Variants in VPS13C observed in about 807,000 individuals in gnomAD.
The protein encoded by VPS13C is vacuolar protein sorting 13 homolog C.
Under a neutral mutation model 456.8 loss-of-function variants are expected in VPS13C, and 358 were observed. The ratio of observed to expected loss-of-function variants is 0.78; its 90% CI spans 0.72 to 0.86. The LOEUF is 0.86. VPS13C is among the 40% of genes least tolerant of loss of function. The probability of loss-of-function intolerance (pLI) is 0.00; values close to 1 mark genes in which losing one functional copy is unlikely to be tolerated. For synonymous variants in VPS13C, 1,578 were observed against 1,486.7 expected (o/e 1.06, Z -1.41); for missense variants, 4,818 against 4,385.4 (o/e 1.10, Z -2.79).
chr15:61,923,216 A>C (rs2043720125), intron 53 of VPS13C, among the ~76,000 whole-genome samples: 1 of 151,872 alleles, frequency 6.6e-6, no homozygotes, highest in African/African-American at 2.4e-5. Context: ...CTGAAAAAAA[A>C]AAAAAGGAAG....
Position 61,921,969 on chromosome 15 carries a change from C to T in VPS13C, c.7040G>A (p.Arg2347Lys), listed in dbSNP as rs1340004436. Residue 2347 changes from arginine (R) to lysine (K), a missense_variant, in exon 55 of 85, where the codon AGA becomes AAA. This residue lies in a region of VPS13C where 4,552 missense variants were observed against 4,130.6 expected (regional missense o/e 1.10). Transcript: ENST00000644861. Reference sequence around the variant, plus strand: ...TACATCAAGCCTTAAATTCCATTGTCTCTTCCCCTCCACTCTCTCAATCAG... The same window carrying T: ...TACATCAAGCCTTAAATTCCATTGTTTCTTCCCCTCCACTCTCTCAATCAG... Reference protein sequence around the residue: ...EPLIERVEGKRQWNLRLDVKK... With the variant: ...EPLIERVEGKKQWNLRLDVKK... The T allele has an allele frequency of 1.2e-6, 2 of 1,613,480 alleles. No individual in the cohort carries two copies. The highest frequency in any genetic ancestry group is 4.5e-5 in the East Asian group (2 of 44,840).
At chr15:61,948,464 C>G (rs1478214766) in intron 42 of VPS13C, among the ~76,000 whole-genome samples, 2 of 151,952 alleles carry the variant, frequency 1.3e-5, no homozygotes, top group African/African-American at 4.8e-5. Flanking sequence ...GGTGGAGCAC[C>G]TGAGGTCAGG....
At chr15:61,922,309 G>A in intron 54 of VPS13C, 88 bp downstream of exon 54, 1 of 1,466,060 alleles carries the variant, frequency 6.8e-7, no homozygotes. Flanking sequence ...ACTCATAGTG[G>A]CCATGCACAA....
intron 40 of VPS13C, 107 bp from the exon 41 acceptor site, chr15:61,950,524 A>C: frequency 1.1e-6 from 1 of 893,286 alleles, no homozygotes; most frequent in Admixed American, 2.9e-5. Flanking sequence ...AAAGAGTAAA[A>C]AGATATTTCC....
intron 9 of VPS13C, among the ~76,000 whole-genome samples, chr15:62,015,376 A>G (rs1245924704): frequency 6.6e-6 from 1 of 152,004 alleles, no homozygotes; most frequent in Non-Finnish European, 1.5e-5. Context: ...CCATTTGTCA[A>G]TTTTGGCTTT....
At chr15:61,965,784 T>C (rs1438292300) in intron 30 of VPS13C, among the ~76,000 whole-genome samples, 1 of 151,928 alleles carries the variant, frequency 6.6e-6, no homozygotes, top group Non-Finnish European at 1.5e-5. Flanking sequence ...GTATCTAGTT[T>C]GGCTAGTTTA....
At chr15:61,984,251 C>G (rs116199015) in intron 19 of VPS13C, among the ~76,000 whole-genome samples, 1 of 144,348 alleles carries the variant, frequency 6.9e-6, no homozygotes, top group Non-Finnish European at 1.6e-5. Flanking sequence ...CTTCAACCAA[C>G]TTTAGAATAC....
chr15:62,030,912 C>G (rs1252742852), intron 5 of VPS13C, among the ~76,000 whole-genome samples: 1 of 152,044 alleles, frequency 6.6e-6, no homozygotes, highest in Non-Finnish European at 1.5e-5. Context: ...TTTGGCAAAA[C>G]TATTGATTTT....
chr15:62,027,788 T>C (rs772261575), intron 6 of VPS13C, among the ~76,000 whole-genome samples: 2 of 152,036 alleles, frequency 1.3e-5, no homozygotes, highest in Non-Finnish European at 2.9e-5. Flanking sequence ...ATATCATAAA[T>C]CCTAATATAA....
Position 61,949,420 on chromosome 15 carries a change from G to T in VPS13C, c.4759+23C>A, listed in dbSNP as rs142540801. ...ATTATTAAAGTTCAAAGTATTATTA[G>T]ATCATAATTCAAAAATTATTACCAG... On this transcript the variant is annotated intron_variant, in intron 42 of 84. Coordinates refer to ENST00000644861, the MANE Select transcript of VPS13C (RefSeq NM_020821.3). 702 of 1,599,416 alleles carry T rather than the reference G, an allele frequency of 4.4e-4. 1 individual carries two copies. In the African/African-American group the frequency reaches 8.3e-3, roughly 19 times the overall value.
intron 66 of VPS13C, among the ~76,000 whole-genome samples, chr15:61,896,937 C>T (rs2042839699): frequency 6.6e-6 from 1 of 152,124 alleles, no homozygotes. Context: ...CAAGTGGGTG[C>T]CTGACCCCTG....
chr15:61,922,101 G>C (rs928482594), intron 54 of VPS13C, 68 bp from the exon 55 acceptor site: 3 of 1,492,962 alleles, frequency 2.0e-6, no homozygotes, highest in Admixed American at 3.5e-5. Flanking sequence ...GTAACCAATA[G>C]GGAAATTATT....
At chr15:62,043,878 T>C (rs889758554) in intron 2 of VPS13C, among the ~76,000 whole-genome samples, 3 of 152,178 alleles carry the variant, frequency 2.0e-5, no homozygotes, top group East Asian at 1.9e-4. Flanking sequence ...ATTAGATATG[T>C]TATTTAAAAT....
intron 45 of VPS13C, among the ~76,000 whole-genome samples, chr15:61,943,524 T>C (rs764449664): frequency 5.9e-5 from 9 of 152,170 alleles, no homozygotes; most frequent in Non-Finnish European, 1.2e-4. Context: ...GGGGAAAGGA[T>C]TCCCTATTCA....
chr15:62,031,610 T>A (rs886169214), intron 5 of VPS13C, among the ~76,000 whole-genome samples: 38 of 152,140 alleles, frequency 2.5e-4, no homozygotes, highest in African/African-American at 8.9e-4. Context: ...ATATAACATG[T>A]TAAAACTGAG....
At chr15:62,047,261 TA>T (rs201973062) in intron 1 of VPS13C, among the ~76,000 whole-genome samples, 11 of 147,412 alleles carry the variant, frequency 7.5e-5, no homozygotes, top group South Asian at 2.1e-4. Flanking sequence ...CCATCTCTAC[TA>T]AAAAAAAAAT....
Position 61,875,685 on chromosome 15 carries a change from C to T in VPS13C, c.10338+47G>A, listed in dbSNP as rs1395003567. ...TACTATTTGTTATTAAAAAATAGAC[C>T]ATCCATTTTTCTGTACCTATCCTTA... On this transcript the variant is annotated intron_variant, in intron 76 of 84. Transcript: ENST00000644861. 3.0e-6 allele frequency: 4 copies of T among 1,317,632 alleles called. No individual in the cohort carries two copies. In the South Asian group the frequency reaches 3.8e-5, roughly 12 times the overall value. The allele number at this position is 1,317,632 out of a possible 1,614,324, so 81.6% of individuals were successfully genotyped here.
intron 80 of VPS13C, 51 bp from the exon 81 acceptor site, chr15:61,868,824 A>G (rs774482526): frequency 2.9e-6 from 4 of 1,401,986 alleles, no homozygotes; most frequent in Non-Finnish European, 4.0e-6. Flanking sequence ...AGTCTTTCAA[A>G]ATAATGTGTG....
Position 61,921,946 on chromosome 15 carries a change from C to T in VPS13C, c.7062+1G>A, listed in dbSNP as rs372519906. ...CCAAAGATATTTTAAGATTTCCTTA[C>T]ATCAAGCCTTAAATTCCATTGTCTC... On this transcript the variant is annotated splice_donor_variant, in intron 55 of 84. Coordinates refer to ENST00000644861, the MANE Select transcript of VPS13C (RefSeq NM_020821.3). LOFTEE classifies it high-confidence loss of function. The T allele has an allele frequency of 6.2e-6, 10 of 1,612,168 alleles. No individual in the cohort carries two copies. The African/African-American group carries it at 6.7e-5, about 11-fold the overall frequency.
Sources: gnomAD v4.1 joint callset for allele counts (sites outside exome capture counted in the v4.1 genomes callset) on GRCh38, gnomAD v4.1.1 for gene constraint, gnomAD v4.1.1 regional missense constraint, MANE v1.5 for transcripts, NCBI Gene and HGNC (gene_info 2026-07-23, HGNC 2026-07-21) for gene names.